Variants in KCNQ5 observed in about 807,000 individuals in gnomAD.
KCNQ5 encodes the protein potassium voltage-gated channel subfamily KQT member 5.
KCNQ5 carries 30 observed loss-of-function variants against 98.2 expected under a neutral mutation model. The observed-to-expected ratio is 0.31, with a 90% CI of 0.23 to 0.41. The LOEUF (loss-of-function observed/expected upper bound fraction) is 0.41. Among genes scored for constraint, KCNQ5 ranks in the 10% least tolerant of loss-of-function variants. KCNQ5 has a pLI of 1.00. For synonymous variants in KCNQ5, 458 were observed against 449.4 expected, an observed-to-expected ratio of 1.02 and a Z score of -0.24; for missense variants, 835 against 1,182.5, an observed-to-expected ratio of 0.71 and a Z score of 4.31.
At chr6:73,109,145 G>A (rs1201692404) in intron 6 of KCNQ5, among the ~76,000 whole-genome samples, 1 of 152,226 alleles carries the variant, frequency 6.6e-6, no homozygotes, top group African/African-American at 2.4e-5. Context: ...AATAACTGCT[G>A]TAATGTACAG....
chr6:73,101,739 G>A (rs1176514103), intron 5 of KCNQ5, among the ~76,000 whole-genome samples: 2 of 152,038 alleles, frequency 1.3e-5, no homozygotes, highest in Admixed American at 6.6e-5. Flanking sequence ...ACTGATGAAA[G>A]ATATTAAAGA....
intron 1 of KCNQ5, among the ~76,000 whole-genome samples, chr6:72,898,042 G>T (rs1261223117): frequency 6.6e-6 from 1 of 152,236 alleles, no homozygotes; most frequent in East Asian, 1.9e-4. Context: ...AGTACTAAAA[G>T]TTTGCTGTTT....
intron 10 of KCNQ5, among the ~76,000 whole-genome samples, chr6:73,165,838 G>A (rs564999906): frequency 3.9e-5 from 6 of 152,120 alleles, no homozygotes; most frequent in South Asian, 2.1e-4. Flanking sequence ...CCAGCTACTC[G>A]GGAGGCTGGG....
intron 1 of KCNQ5, among the ~76,000 whole-genome samples, chr6:72,744,358 A>C (rs766908863): frequency 6.6e-6 from 1 of 152,238 alleles, no homozygotes; most frequent in Non-Finnish European, 1.5e-5. Context: ...ACTTTCTACT[A>C]TGAATTATAG....
chr6:72,652,944 G>A (rs936958688), intron 1 of KCNQ5, among the ~76,000 whole-genome samples: 10 of 152,052 alleles, frequency 6.6e-5, no homozygotes, highest in East Asian at 1.9e-4. Flanking sequence ...ATATAAAGCC[G>A]TGCACCCAAA....
intron 10 of KCNQ5, among the ~76,000 whole-genome samples, chr6:73,144,173 T>A (rs1303918590): frequency 2.0e-5 from 3 of 152,192 alleles, no homozygotes; most frequent in Non-Finnish European, 4.4e-5. Flanking sequence ...GGGAAAGAGA[T>A]GAGTTACCCA....
chr6:73,097,142 C>CACATATATATATATATATATAT (rs1554208504), intron 5 of KCNQ5, among the ~76,000 whole-genome samples: 1 of 121,858 alleles, frequency 8.2e-6, no homozygotes, highest in East Asian at 2.5e-4. Context: ...CAATAGATCT[C>CACATATATATATATATATATAT]ATATATATAT....
At chr6:72,858,005 A>G (rs1274550446) in intron 1 of KCNQ5, among the ~76,000 whole-genome samples, 2 of 152,212 alleles carry the variant, frequency 1.3e-5, no homozygotes, top group African/African-American at 2.4e-5. Flanking sequence ...GTGAGTAAGA[A>G]AAATATATTT....
chr6:72,661,211 C>A (rs1766508270), intron 1 of KCNQ5, among the ~76,000 whole-genome samples: 1 of 151,854 alleles, frequency 6.6e-6, no homozygotes, highest in Non-Finnish European at 1.5e-5. Context: ...ATGTAATATT[C>A]TATGTAATTA....
At chr6:72,942,174 A>G (rs1047458598) in intron 1 of KCNQ5, among the ~76,000 whole-genome samples, 2 of 152,210 alleles carry the variant, frequency 1.3e-5, no homozygotes, top group Non-Finnish European at 2.9e-5. Context: ...AACAATATCT[A>G]GCAAAAAGTT....
chr6:73,177,814 T>G (rs1778271702), intron 11 of KCNQ5, among the ~76,000 whole-genome samples: 1 of 152,252 alleles, frequency 6.6e-6, no homozygotes, highest in Admixed American at 6.5e-5. Context: ...ATTTAGCACA[T>G]ATCTTTAAAA....
chr6:73,042,221 G>A lies in KCNQ5; in HGVS notation c.616+159G>A, dbSNP rs1185049941. On this transcript the variant is annotated intron_variant, in intron 3 of 13. Transcript: ENST00000370398. ...TCTTGAAAATGTTGACTCATTTGAT[G>A]TTGTCTCCACAGCATTATGAGGTAG... 4.8e-5 allele frequency: 38 copies of A among 789,702 alleles called. No homozygotes were observed. The Admixed American group carries it at 6.8e-4, about 14-fold the overall frequency. 48.9% of individuals were successfully genotyped at this position (789,702 alleles called of 1,614,324 possible). A position where few individuals can be genotyped will look rare whatever the true frequency, so the allele number is the denominator to read the frequency against.
At chr6:72,726,632 A>T (rs1471553640) in intron 1 of KCNQ5, among the ~76,000 whole-genome samples, 2 of 152,204 alleles carry the variant, frequency 1.3e-5, no homozygotes, top group Non-Finnish European at 2.9e-5. Flanking sequence ...CTGCCAGTGC[A>T]GGCATGGCAA....
At chr6:72,689,209 G>A (rs1334568618) in intron 1 of KCNQ5, among the ~76,000 whole-genome samples, 1 of 152,144 alleles carries the variant, frequency 6.6e-6, no homozygotes, top group Non-Finnish European at 1.5e-5. Context: ...ACAAACCTGT[G>A]GTGCTTTCAA....
intron 11 of KCNQ5, among the ~76,000 whole-genome samples, chr6:73,176,463 T>G (rs1390474200): frequency 2.6e-5 from 4 of 152,242 alleles, no homozygotes; most frequent in Non-Finnish European, 1.5e-5. Flanking sequence ...AAACCTCTTT[T>G]ATTTATAAAT....
chr6:73,186,867 G>T (rs1035941091), intron 11 of KCNQ5, among the ~76,000 whole-genome samples: 1 of 151,966 alleles, frequency 6.6e-6, no homozygotes, highest in African/African-American at 2.4e-5. Context: ...AGGTATACAT[G>T]TGCCGTGTTG....
At chr6:72,890,182 G>T (rs1013307698) in intron 1 of KCNQ5, among the ~76,000 whole-genome samples, 12 of 152,118 alleles carry the variant, frequency 7.9e-5, no homozygotes, top group African/African-American at 2.4e-4. Flanking sequence ...GATGGGTTTG[G>T]ACATATGTAC....
At chr6:73,029,179 C>G (rs1263943296) in intron 2 of KCNQ5, among the ~76,000 whole-genome samples, 1 of 152,100 alleles carries the variant, frequency 6.6e-6, no homozygotes, top group African/African-American at 2.4e-5. Context: ...GGCTTATGTA[C>G]AGTAGGAGTC....
chr6:72,904,620 T>A (rs1178427334), intron 1 of KCNQ5, among the ~76,000 whole-genome samples: 1 of 152,190 alleles, frequency 6.6e-6, no homozygotes, highest in African/African-American at 2.4e-5. Flanking sequence ...CCTTCATATA[T>A]GAAGCTTAGT....
Sources: allele counts gnomAD v4.1 joint callset (sites outside exome capture counted in the v4.1 genomes callset), GRCh38; gene constraint gnomAD v4.1.1; transcripts MANE v1.5; gene names NCBI Gene and HGNC (gene_info 2026-07-23, HGNC 2026-07-21).